The following CPM variants were observed in gnomAD, a reference collection of about 807,000 sequenced individuals.
CPM encodes the protein renal carboxypeptidase.
In CPM, 35 loss-of-function variants were observed where a neutral mutation model predicts 46.4. The observed-to-expected ratio is 0.75, with a 90% CI of 0.58 to 1.00. The LOEUF (loss-of-function observed/expected upper bound fraction) is 1.00, where lower values mean the gene tolerates loss of function less well. Ranked by LOEUF, CPM falls within the 50% of genes least tolerant of loss-of-function variation. The probability of loss-of-function intolerance (pLI) is 0.00; values close to 1 mark genes in which losing one functional copy is unlikely to be tolerated. For synonymous variants in CPM, 195 were observed against 195.3 expected, an observed-to-expected ratio of 1.00 and a Z score of 0.01; for missense variants, 422 against 530.4, an observed-to-expected ratio of 0.80 and a Z score of 2.01.
At chr12:68,958,291 A>G (rs1889057822) in intron 1 of CPM, among the ~76,000 whole-genome samples, 1 of 152,178 alleles carries the variant, frequency 6.6e-6, no homozygotes, top group African/African-American at 2.4e-5. Context: ...TGGTTGAACT[A>G]ATTTACACTC....
At chr12:68,895,989 A>G (rs1214496019) in intron 2 of CPM, among the ~76,000 whole-genome samples, 3 of 152,162 alleles carry the variant, frequency 2.0e-5, no homozygotes, top group African/African-American at 7.2e-5. Context: ...CATGGCATTG[A>G]GATGGCACCT....
intron 1 of CPM, among the ~76,000 whole-genome samples, chr12:68,952,541 C>G (rs1173566133): frequency 6.6e-6 from 1 of 152,178 alleles, no homozygotes; most frequent in Admixed American, 6.5e-5. Context: ...TGGGACCCTT[C>G]TAAGCAGAGG....
At chr12:68,848,752 A>AC (rs1263052397), downstream of CPM, 7 of 151,558 alleles carry the variant, frequency 4.6e-5, no homozygotes, top group Non-Finnish European at 8.8e-5. Context: ...TCGTTCTGTC[A>AC]CCCAGGCTGG....
chr12:68,914,835 GT>G (rs896729316), intron 2 of CPM, among the ~76,000 whole-genome samples: 2 of 152,246 alleles, frequency 1.3e-5, no homozygotes, highest in African/African-American at 4.8e-5. Flanking sequence ...ACAGACCTGG[GT>G]TTGAATTCCC....
rs972198435 is a variant in CPM at position 68,961,112 on chromosome 12, GAA to G, written c.-4+2055_-4+2056del. ...TGAGGTACAAATATCAGAAGGATGA[GAA>G]GAGTCATGAGAAAAATAATGAAAAT... On this transcript the variant is annotated intron_variant, in intron 1 of 8. Transcript: ENST00000546373. Among the ~76,000 whole-genome samples the G allele has an allele frequency of 6.6e-5, 10 of 152,278 alleles. No homozygotes were observed. In the South Asian group the frequency reaches 8.3e-4, roughly 13 times the overall value.
At chr12:68,843,025 A>G (rs1781100342) in intron 5 of CPM, 1 of 213,516 alleles carries the variant, frequency 4.7e-6, no homozygotes, top group South Asian at 1.9e-4. Flanking sequence ...AACAAGCTTT[A>G]TTTTTCGAGC....
chr12:68,926,777 T>C (rs1407899428), intron 2 of CPM, among the ~76,000 whole-genome samples: 1 of 151,992 alleles, frequency 6.6e-6, no homozygotes, highest in African/African-American at 2.4e-5. Context: ...TGTGTTCTCA[T>C]TGTTCAATTC....
intron 2 of CPM, among the ~76,000 whole-genome samples, chr12:68,922,353 T>G (rs1888072053): frequency 6.6e-6 from 1 of 152,206 alleles, no homozygotes; most frequent in African/African-American, 2.4e-5. Flanking sequence ...TAGTTGTGAT[T>G]TTTAAGTGTG....
chr12:68,888,547 A>C (rs1886528941), intron 2 of CPM, among the ~76,000 whole-genome samples: 1 of 152,254 alleles, frequency 6.6e-6, no homozygotes, highest in African/African-American at 2.4e-5. Flanking sequence ...AGACCAGAGC[A>C]AATGCACAAA....
At chr12:68,920,143 A>G (rs573915740) in intron 2 of CPM, among the ~76,000 whole-genome samples, 2 of 152,184 alleles carry the variant, frequency 1.3e-5, no homozygotes, top group Non-Finnish European at 2.9e-5. Context: ...GCCATGAGTA[A>G]AAGCCTCCTG....
At position 68,854,628 on chromosome 12, in the gene CPM, G is replaced by A. The variant is rs1228483316; in HGVS notation, c.*1809C>T. On this transcript the variant is annotated 3_prime_UTR_variant, in exon 9 of 9. Coordinates refer to ENST00000551568, the MANE Select transcript of CPM (RefSeq NM_198320.5). ...TGTAGTGGGTCATAATGGCATTCCA[G>A]ATACAGGGGACACAAACAGCTCTGT... 1.3e-5 allele frequency: 2 copies of A among 152,192 alleles called. No individual in the cohort carries two copies. The highest frequency in any genetic ancestry group is 4.8e-5 in the African/African-American group (2 of 41,412). The allele number at this position is 152,192 out of a possible 1,614,324, so 9.4% of individuals were successfully genotyped here.
intron 2 of CPM, among the ~76,000 whole-genome samples, chr12:68,895,459 T>C (rs922811819): frequency 6.6e-6 from 1 of 152,200 alleles, no homozygotes; most frequent in Admixed American, 6.5e-5. Context: ...GACATCTAAA[T>C]CTTTATTTTT....
At chr12:68,910,940 G>A (rs1368089201) in intron 2 of CPM, among the ~76,000 whole-genome samples, 1 of 152,012 alleles carries the variant, frequency 6.6e-6, no homozygotes, top group East Asian at 1.9e-4. Context: ...TAAAAGACAC[G>A]GAGGAATTTC....
chr12:68,877,902 C>T (rs1795477), intron 3 of CPM, among the ~76,000 whole-genome samples: 7,438 of 152,270 alleles, frequency 0.049, 401 homozygotes, highest in African/African-American at 0.13. Flanking sequence ...CTAAGTAAAA[C>T]ATTTAGACAT....
intron 2 of CPM, among the ~76,000 whole-genome samples, chr12:68,888,586 A>G (rs1419451242): frequency 6.6e-6 from 1 of 152,184 alleles, no homozygotes; most frequent in Non-Finnish European, 1.5e-5. Context: ...TCACAACCTG[A>G]CTGTCAGGTA....
chr12:68,955,095 A>T (rs879580075), intron 1 of CPM, among the ~76,000 whole-genome samples: 2 of 152,106 alleles, frequency 1.3e-5, no homozygotes, highest in Non-Finnish European at 2.9e-5. Context: ...CAGGTGTGGA[A>T]TCCGGGCCAG....
chr12:68,939,719 T>C (rs1592712036), intron 1 of CPM, among the ~76,000 whole-genome samples: 1 of 152,268 alleles, frequency 6.6e-6, no homozygotes, highest in African/African-American at 2.4e-5. Flanking sequence ...TATTTTGCTT[T>C]CCAAGTTTTG....
At chr12:68,889,171 G>A (rs1337572469) in intron 2 of CPM, among the ~76,000 whole-genome samples, 1 of 152,158 alleles carries the variant, frequency 6.6e-6, no homozygotes, top group Non-Finnish European at 1.5e-5. Flanking sequence ...ACTGAGGTAG[G>A]AAAATGTCCA....
intron 2 of CPM, among the ~76,000 whole-genome samples, chr12:68,928,901 G>A (rs1888384563): frequency 7.1e-6 from 1 of 139,886 alleles, no homozygotes; most frequent in Admixed American, 7.7e-5. Context: ...CATTATGCCT[G>A]GTTAATTAAA....
Sources: gnomAD v4.1 joint callset for allele counts (sites outside exome capture counted in the v4.1 genomes callset) on GRCh38, gnomAD v4.1.1 for gene constraint, MANE v1.5 for transcripts, NCBI Gene and HGNC (gene_info 2026-07-23, HGNC 2026-07-21) for gene names.